Variants in CCDC181 observed in about 807,000 individuals in gnomAD.
The protein encoded by CCDC181 is coiled-coil domain containing 181, also known as coiled-coil domain-containing protein 181.
A neutral mutation model predicts 58.7 loss-of-function variants in CCDC181; 35 were observed. The observed-to-expected ratio is 0.60, with a 90% CI of 0.46 to 0.79. CCDC181 has a LOEUF of 0.79. CCDC181 is among the 30% of genes least tolerant of loss of function. The pLI, the probability that CCDC181 is intolerant of heterozygous loss-of-function variation, is 0.00. For missense variants in CCDC181, 517 were observed against 583.9 expected, an observed-to-expected ratio of 0.89 and a Z score of 1.18; for synonymous variants, 183 against 197.5, an observed-to-expected ratio of 0.93 and a Z score of 0.62.
At chr1:169,397,148 G>A in intron 5 of CCDC181, 89 bp downstream of exon 5, 1 of 1,136,922 alleles carries the variant, frequency 8.8e-7, no homozygotes, top group South Asian at 2.3e-5. Context: ...CATTTTGAGG[G>A]TTTTTTTTTT....
intron 2 of CCDC181, among the ~76,000 whole-genome samples, chr1:169,438,980 C>T (rs540299119): frequency 6.6e-6 from 1 of 152,300 alleles, no homozygotes; most frequent in Admixed American, 6.5e-5. Flanking sequence ...AGAAATCTCC[C>T]TGAAATCTTC....
chr1:169,395,686 A>C (rs549454402), intron 5 of CCDC181, among the ~76,000 whole-genome samples: 1 of 152,362 alleles, frequency 6.6e-6, no homozygotes, highest in Admixed American at 6.5e-5. Context: ...TAAAATGAAA[A>C]GTAAGCCAAA....
In CCDC181 at chr1:169,427,414, C is replaced by T. The variant is rs752346256; in HGVS notation, c.-150G>A. 1.3e-5 allele frequency: 2 copies of T among 152,484 alleles called. No individual in the cohort carries two copies. The highest frequency in any genetic ancestry group is 2.9e-5 in the Non-Finnish European group (2 of 68,258). The allele number at this position is 152,484 out of a possible 1,614,324, so 9.4% of individuals were successfully genotyped here. On this transcript the variant is annotated 5_prime_UTR_variant, in exon 1 of 6. It adds an upstream start codon to the 5' untranslated region. Coordinates refer to ENST00000367806, the MANE Select transcript of CCDC181 (RefSeq NM_001300969.2). ...CCTGCCTCCGCGGCAGCCAGGACCA[C>T]ACTGCCATGGCAACAGCGTGCCTCT...
At chr1:169,448,308 G>A (rs1201767618) in intron 2 of CCDC181, among the ~76,000 whole-genome samples, 2 of 151,922 alleles carry the variant, frequency 1.3e-5, no homozygotes, top group African/African-American at 4.8e-5. Flanking sequence ...CTAAGTTTCT[G>A]ACCTATGTCA....
chr1:169,451,896 C>A (rs1158398363), intron 2 of CCDC181, among the ~76,000 whole-genome samples: 1 of 151,898 alleles, frequency 6.6e-6, no homozygotes, highest in African/African-American at 2.4e-5. Context: ...AGAGAACCAG[C>A]GTGGGTGACC....
intron 2 of CCDC181, among the ~76,000 whole-genome samples, chr1:169,435,040 G>A (rs1431685157): frequency 6.6e-6 from 1 of 152,028 alleles, no homozygotes; most frequent in Non-Finnish European, 1.5e-5. Context: ...GCATAGCAGT[G>A]TGAATGTGTT....
intron 2 of CCDC181, among the ~76,000 whole-genome samples, chr1:169,435,628 T>G (rs1233545816): frequency 1.3e-5 from 2 of 152,216 alleles, no homozygotes; most frequent in African/African-American, 2.4e-5. Flanking sequence ...AGTTAATCCA[T>G]GTACTTAGCC....
intron 1 of CCDC181, among the ~76,000 whole-genome samples, chr1:169,426,121 G>C (rs1656699709): frequency 6.6e-6 from 1 of 152,112 alleles, no homozygotes; most frequent in African/African-American, 2.4e-5. Flanking sequence ...AATCTGAAGT[G>C]CAATTCTTTT....
chr1:169,419,259 C>G lies in CCDC181; in HGVS notation c.1069-100G>C, dbSNP rs1265368176. 1.6e-5 allele frequency: 22 copies of G among 1,355,730 alleles called. No homozygotes were observed. In the East Asian group the frequency reaches 4.0e-4, roughly 25 times the overall value. 84.0% of individuals were successfully genotyped at this position (1,355,730 alleles called of 1,614,324 possible). On this transcript the variant is annotated intron_variant, in intron 3 of 5. Coordinates refer to ENST00000367806, the MANE Select transcript of CCDC181 (RefSeq NM_001300969.2). Reference sequence around the variant, plus strand: ...TTTTGAGATCTGAAATTAGGATTCCCTGACCCTAAAACTTTCCATCAGAAA... The same window carrying G: ...TTTTGAGATCTGAAATTAGGATTCCGTGACCCTAAAACTTTCCATCAGAAA...
At chr1:169,424,159 A>G (rs375080980) in intron 2 of CCDC181, among the ~76,000 whole-genome samples, 13 of 151,900 alleles carry the variant, frequency 8.6e-5, no homozygotes, top group African/African-American at 2.9e-4. Flanking sequence ...AGAAATACAT[A>G]TACACATTAT....
intron 2 of CCDC181, among the ~76,000 whole-genome samples, chr1:169,458,706 A>G (rs895015040): frequency 1.3e-5 from 2 of 152,076 alleles, no homozygotes; most frequent in African/African-American, 4.8e-5. Context: ...AATTTTATAC[A>G]TATTTATTTT....
At chr1:169,429,476 A>G (rs1268862227), upstream of CCDC181, among the ~76,000 whole-genome samples, 1 of 151,558 alleles carries the variant, frequency 6.6e-6, no homozygotes, top group Non-Finnish European at 1.5e-5. Flanking sequence ...TGTTTTTTTT[A>G]TTTTTTGCTT....
chr1:169,397,280 A>G lies in CCDC181; in HGVS notation c.1327T>C (p.Phe443Leu). The G allele has an allele frequency of 6.2e-7, 1 of 1,610,206 alleles. No individual in the cohort carries two copies. Among genetic ancestry groups the G allele is most frequent in the South Asian group, 1.1e-5 (1 of 90,512 alleles). The part of the protein sequence containing the change: ...EELRKQEECL[F>L]FLKGTEGRER... ...CGGCCTTCTGTTCCTTTAAGGAAGA[A>G]TAAACATTCCTCTTGCTTTCTTAGT... The change falls in exon 5 of 6, where the codon TTC (phenylalanine) becomes CTC (leucine). Residue 443 changes from phenylalanine to leucine, a missense_variant. Transcript: ENST00000367806.
chr1:169,454,258 C>T (rs1657626826), intron 2 of CCDC181: 1 of 152,026 alleles, frequency 6.6e-6, no homozygotes, highest in Non-Finnish European at 1.5e-5. Context: ...GGTGGAATGG[C>T]TATTCCTTGC....
At chr1:169,432,203 G>T (rs1285361770), upstream of CCDC181, among the ~76,000 whole-genome samples, 1 of 152,064 alleles carries the variant, frequency 6.6e-6, no homozygotes, top group Non-Finnish European at 1.5e-5. Context: ...CAACTGAAAT[G>T]AAAATCTTAC....
chr1:169,418,769 G>T, intron 4 of CCDC181: 10 of 459,172 alleles, frequency 2.2e-5, no homozygotes, highest in East Asian at 3.6e-5. Context: ...TTGAAAAAAC[G>T]AATTGATAGT....
At chr1:169,457,099 T>A (rs998171754) in intron 2 of CCDC181, among the ~76,000 whole-genome samples, 4 of 152,210 alleles carry the variant, frequency 2.6e-5, no homozygotes, top group Non-Finnish European at 5.9e-5. Context: ...TTGTTGCTCT[T>A]GAGAAATGGC....
intron 1 of CCDC181, among the ~76,000 whole-genome samples, chr1:169,426,903 T>C (rs1656734368): frequency 6.6e-6 from 1 of 152,176 alleles, no homozygotes; most frequent in East Asian, 1.9e-4. Context: ...GTATTCAGGA[T>C]CCCAAGGTAC....
intron 2 of CCDC181, among the ~76,000 whole-genome samples, chr1:169,437,110 A>G (rs1657075755): frequency 6.6e-6 from 1 of 152,120 alleles, no homozygotes; most frequent in South Asian, 2.1e-4. Context: ...CCAGTGAGCC[A>G]GGAATGCTGA....
Sources: allele counts gnomAD v4.1 joint callset (sites outside exome capture counted in the v4.1 genomes callset), GRCh38; gene constraint gnomAD v4.1.1; transcripts MANE v1.5; gene names NCBI Gene and HGNC (gene_info 2026-07-23, HGNC 2026-07-21).